The following LRP1B variants were observed in gnomAD, a reference collection of about 807,000 sequenced individuals.
LRP1B encodes the protein low-density lipoprotein receptor-related protein 1B.
Under a neutral mutation model 556.6 loss-of-function variants are expected in LRP1B, and 217 were observed. That is an observed-to-expected ratio of 0.39 (90% CI 0.35 to 0.44). LRP1B has a LOEUF of 0.44. LRP1B is among the 20% of genes least tolerant of loss of function. The pLI, the probability that LRP1B is intolerant of heterozygous loss-of-function variation, is 1.00. For missense variants in LRP1B, 5,053 were observed against 5,620.8 expected, an observed-to-expected ratio of 0.90 and a Z score of 3.23; for synonymous variants, 2,047 against 1,865.8, an observed-to-expected ratio of 1.10 and a Z score of -2.50.
intron 1 of LRP1B, among the ~76,000 whole-genome samples, chr2:141,886,848 A>G (rs2104904799): frequency 6.6e-6 from 1 of 152,206 alleles, no homozygotes; most frequent in Middle Eastern, 3.4e-3. Context: ...TTGGTAGATA[A>G]TCTACGCTAG....
chr2:140,540,006 A>G (rs1680073750), intron 45 of LRP1B, among the ~76,000 whole-genome samples: 1 of 152,144 alleles, frequency 6.6e-6, no homozygotes. Flanking sequence ...ATGGTATAAG[A>G]ATTTTCAAGC....
At chr2:140,568,481 T>A (rs1037171441) in intron 43 of LRP1B, among the ~76,000 whole-genome samples, 1 of 152,062 alleles carries the variant, frequency 6.6e-6, no homozygotes, top group East Asian at 1.9e-4. Flanking sequence ...TCTACAGAAC[T>A]ATGAGACACC....
At chr2:140,413,574 C>G (rs2105251763) in intron 66 of LRP1B, among the ~76,000 whole-genome samples, 1 of 152,270 alleles carries the variant, frequency 6.6e-6, no homozygotes, top group East Asian at 1.9e-4. Flanking sequence ...CAAGAAGACA[C>G]TTACCATGTT....
At chr2:141,817,548 T>C (rs557202641) in intron 1 of LRP1B, among the ~76,000 whole-genome samples, 1 of 152,104 alleles carries the variant, frequency 6.6e-6, no homozygotes, top group Non-Finnish European at 1.5e-5. Flanking sequence ...AAAATGTATA[T>C]ATATGAGCTG....
intron 21 of LRP1B, among the ~76,000 whole-genome samples, chr2:140,919,048 T>C (rs1694663514): frequency 6.6e-6 from 1 of 152,066 alleles, no homozygotes; most frequent in African/African-American, 2.4e-5. Context: ...GGTCTCAACA[T>C]ACTTATTGTA....
chr2:142,032,694 T>C (rs922266865), intron 1 of LRP1B, among the ~76,000 whole-genome samples: 14 of 151,978 alleles, frequency 9.2e-5, no homozygotes, highest in African/African-American at 3.4e-4. Context: ...TGAGCCATAC[T>C]GCCTAGGGCT....
intron 11 of LRP1B, among the ~76,000 whole-genome samples, chr2:141,048,330 A>T (rs1698938588): frequency 6.6e-6 from 1 of 152,132 alleles, no homozygotes; most frequent in Non-Finnish European, 1.5e-5. Flanking sequence ...ACCAAAGTTA[A>T]CATTCTTTTG....
chr2:141,480,533 C>A lies in LRP1B; in HGVS notation c.206G>T (p.Cys69Phe), dbSNP rs2105090446. Reference sequence around the variant, plus strand: ...GCACTTGATTTCTACCTCCTCGGGACCTGAAAAGATGTAAAAAAGAACAGA... The same window carrying A: ...GCACTTGATTTCTACCTCCTCGGGAACTGAAAAGATGTAAAAAAGAACAGA... ...PDDSDESLDT[C>F]PEEVEIKCPL... The change falls in exon 3 of 91, where the codon TGT becomes TTT. Residue 69 changes from cysteine (C) to phenylalanine (F), a missense_variant and splice_region_variant. This residue lies in a region of LRP1B where 3,619 missense variants were observed against 3,931.9 expected (regional missense o/e 0.92). Transcript: ENST00000389484. 6.2e-7 allele frequency: 1 copy of A among 1,613,620 alleles called. No individual in the cohort carries two copies.
Position 141,805,204 on chromosome 2 carries a change from C to T in LRP1B, c.205+5075G>A, listed in dbSNP as rs142916560. The stretch of plus-strand genomic sequence containing the variant: ...ATTTGCCTTTTCCCTTTACTCTTTT[C>T]CTTCTGGTTTTCCAAAATGAGGTTA... On this transcript the variant is annotated intron_variant, in intron 2 of 90. Transcript: ENST00000389484. Among the ~76,000 whole-genome samples the T allele has an allele frequency of 1.8e-3, 273 of 152,138 alleles. 1 individual carries two copies. Among genetic ancestry groups the T allele is most frequent in the Middle Eastern group, 3.4e-3 (1 of 294 alleles).
intron 2 of LRP1B, among the ~76,000 whole-genome samples, chr2:141,540,841 C>A (rs139537806): frequency 2.0e-5 from 3 of 152,092 alleles, no homozygotes; most frequent in Non-Finnish European, 2.9e-5. Context: ...CAGTACTACT[C>A]TTATGAAAGC....
intron 3 of LRP1B, among the ~76,000 whole-genome samples, chr2:141,271,271 C>T (rs1268404405): frequency 2.0e-5 from 3 of 150,318 alleles, no homozygotes; most frequent in Non-Finnish European, 4.4e-5. Flanking sequence ...AGTAAGTATG[C>T]CAACATACAC....
chr2:140,473,122 CTCTT>C (rs1314091289), intron 60 of LRP1B, among the ~76,000 whole-genome samples: 3 of 151,896 alleles, frequency 2.0e-5, no homozygotes, highest in Non-Finnish European at 4.4e-5. Flanking sequence ...AAATTAATGG[CTCTT>C]TCTTTCGTTG....
rs58239958 is a variant in LRP1B at position 140,572,795 on chromosome 2, CATAAAATAAA to C, written c.7194+25826_7194+25835del. ...TATACACAATGAGATACTATTCAGC[CATAAAATAAA>C]ATAAAATAAAATAAAATAAAATAAA... On this transcript the variant is annotated intron_variant, in intron 43 of 90. Coordinates refer to ENST00000389484, the MANE Select transcript of LRP1B (RefSeq NM_018557.3). 3.3e-3 allele frequency among the ~76,000 whole-genome samples: 445 copies of C among 135,074 alleles called. 3 individuals carry two copies. Among genetic ancestry groups the C allele is most frequent in the Middle Eastern group, 7.3e-3 (2 of 274 alleles). The allele number at this position is 135,074 out of a possible 152,430, so 88.6% of individuals were successfully genotyped here.
intron 3 of LRP1B, among the ~76,000 whole-genome samples, chr2:141,282,605 T>C (rs1470722098): frequency 6.6e-6 from 1 of 151,880 alleles, no homozygotes; most frequent in Non-Finnish European, 1.5e-5. Context: ...TAAAATGTGA[T>C]GTAATTATAT....
At position 140,748,591 on chromosome 2, in the gene LRP1B, G is replaced by GTGTATATATATA. The variant is rs1361412390; in HGVS notation, c.5758+20621_5758+20622insTATATATATACA. Among the ~76,000 whole-genome samples the GTGTATATATATA allele has an allele frequency of 2.3e-3, 166 of 73,288 alleles. 1 individual carries two copies. The highest frequency in any genetic ancestry group is 0.011 in the Middle Eastern group (1 of 90). 48.1% of individuals were successfully genotyped at this position (73,288 alleles called of 152,430 possible). ...AAACATAGTTATACATATACAGTGT[G>GTGTATATATATA]TATATATATATATATATATATATAT... On this transcript the variant is annotated intron_variant, in intron 35 of 90. Coordinates refer to ENST00000389484, the MANE Select transcript of LRP1B (RefSeq NM_018557.3).
intron 66 of LRP1B, among the ~76,000 whole-genome samples, chr2:140,416,146 C>A (rs1349083678): frequency 6.6e-6 from 1 of 152,190 alleles, no homozygotes; most frequent in Non-Finnish European, 1.5e-5. Context: ...ACGACCTGAA[C>A]TCTGCCTCCT....
intron 1 of LRP1B, among the ~76,000 whole-genome samples, chr2:142,056,930 T>G (rs1388384531): frequency 6.6e-6 from 1 of 152,130 alleles, no homozygotes; most frequent in African/African-American, 2.4e-5. Flanking sequence ...TCTGTTACCT[T>G]TTCACCTAAA....
intron 35 of LRP1B, among the ~76,000 whole-genome samples, chr2:140,727,611 G>A (rs1363792444): frequency 6.6e-6 from 1 of 152,148 alleles, no homozygotes; most frequent in Non-Finnish European, 1.5e-5. Context: ...CCAAGTTCAG[G>A]TAAAGGACCA....
At chr2:141,901,898 C>T (rs998907054) in intron 1 of LRP1B, among the ~76,000 whole-genome samples, 3 of 151,370 alleles carry the variant, frequency 2.0e-5, no homozygotes, top group Non-Finnish European at 4.4e-5. Flanking sequence ...AAAATCTGGC[C>T]ATGATCAAGA....
Sources: allele counts gnomAD v4.1 joint callset (sites outside exome capture counted in the v4.1 genomes callset), GRCh38; gene constraint gnomAD v4.1.1; regional missense constraint gnomAD v4.1.1; transcripts MANE v1.5; gene names NCBI Gene and HGNC (gene_info 2026-07-23, HGNC 2026-07-21).